LRRTM4: variants seen among roughly 807,000 people sequenced by gnomAD.
LRRTM4 encodes the protein leucine-rich repeat transmembrane neuronal protein 4.
In LRRTM4, 25 loss-of-function variants were observed where a neutral mutation model predicts 47.6. The observed-to-expected ratio is 0.53, with a 90% CI of 0.38 to 0.73. The LOEUF (loss-of-function observed/expected upper bound fraction) is 0.73. Ranked by LOEUF, LRRTM4 falls within the 30% of genes least tolerant of loss-of-function variation. The pLI, the probability that LRRTM4 is intolerant of heterozygous loss-of-function variation, is 0.00. For missense variants in LRRTM4, 638 were observed against 713.4 expected, an observed-to-expected ratio of 0.89 and a Z score of 1.20; for synonymous variants, 311 against 269.5, an observed-to-expected ratio of 1.15 and a Z score of -1.51.
chr2:76,832,868 A>G (rs1671393436), intron 3 of LRRTM4, among the ~76,000 whole-genome samples: 1 of 152,112 alleles, frequency 6.6e-6, no homozygotes. Context: ...GGAAAAGTCA[A>G]TGAATGGAAC....
chr2:77,371,039 T>C (rs1472444106), intron 3 of LRRTM4, among the ~76,000 whole-genome samples: 1 of 151,746 alleles, frequency 6.6e-6, no homozygotes, highest in Non-Finnish European at 1.5e-5. Context: ...AAAATGTATG[T>C]CGAACTCAAC....
chr2:76,983,042 ACTCT>A (rs1676668392), intron 3 of LRRTM4, among the ~76,000 whole-genome samples: 1 of 149,556 alleles, frequency 6.7e-6, no homozygotes, highest in Non-Finnish European at 1.5e-5. Flanking sequence ...CATATTAAAT[ACTCT>A]CACTATAAAT....
intron 3 of LRRTM4, among the ~76,000 whole-genome samples, chr2:76,980,107 A>C (rs1048861724): frequency 6.6e-6 from 1 of 152,208 alleles, no homozygotes; most frequent in South Asian, 2.1e-4. Context: ...ATAATACATA[A>C]ACTAAAATAT....
intron 3 of LRRTM4, among the ~76,000 whole-genome samples, chr2:76,817,275 A>G (rs1204885051): frequency 6.6e-6 from 1 of 151,654 alleles, no homozygotes; most frequent in African/African-American, 2.4e-5. Context: ...GCAGGAAGTG[A>G]TATGTCATGG....
intron 3 of LRRTM4, among the ~76,000 whole-genome samples, chr2:77,362,156 A>AG (rs1558707386): frequency 1.4e-4 from 21 of 151,686 alleles, no homozygotes; most frequent in African/African-American, 4.4e-4. Context: ...AAAGAAAGAA[A>AG]GAAAGAAAGA....
intron 3 of LRRTM4, among the ~76,000 whole-genome samples, chr2:77,108,825 C>A: frequency 6.6e-6 from 1 of 152,108 alleles, no homozygotes; most frequent in Non-Finnish European, 1.5e-5. Flanking sequence ...CCTCGTGATC[C>A]GCCCGCCTCG....
intron 3 of LRRTM4, among the ~76,000 whole-genome samples, chr2:77,378,746 C>G (rs1325762546): frequency 2.0e-5 from 3 of 152,084 alleles, no homozygotes; most frequent in African/African-American, 7.2e-5. Flanking sequence ...TATGTAAGAA[C>G]AGGCAGGGCA....
At chr2:77,302,487 A>G (rs1261983638) in intron 3 of LRRTM4, among the ~76,000 whole-genome samples, 3 of 152,232 alleles carry the variant, frequency 2.0e-5, no homozygotes, top group Non-Finnish European at 4.4e-5. Flanking sequence ...ATGGAATATA[A>G]TGAAAAATAT....
chr2:76,873,506 G>A (rs111579053), intron 3 of LRRTM4, among the ~76,000 whole-genome samples: 4,990 of 112,156 alleles, frequency 0.044, 228 homozygotes, highest in African/African-American at 0.098. Context: ...ATATATGTGT[G>A]TATATATATA....
Position 76,838,077 on chromosome 2 carries a change from AAAGTAT to A in LRRTM4, c.1552-89167_1552-89162del, listed in dbSNP as rs546770183. On this transcript the variant is annotated intron_variant, in intron 3 of 3. Transcript: ENST00000409884. The stretch of plus-strand genomic sequence containing the variant: ...ATTGTGCACATGTACCCTAAAACTT[AAAGTAT>A]AATAATAATAATAATAATAAAAGAA... Among the ~76,000 whole-genome samples, 497 of 146,418 alleles carry A rather than the reference AAAGTAT, an allele frequency of 3.4e-3. 2 individuals carry two copies. The highest frequency in any genetic ancestry group is 5.6e-3 in the South Asian group (25 of 4,502).
At chr2:76,969,111 T>C (rs991948738) in intron 3 of LRRTM4, among the ~76,000 whole-genome samples, 1 of 151,866 alleles carries the variant, frequency 6.6e-6, no homozygotes, top group Non-Finnish European at 1.5e-5. Context: ...CTCAGAAACA[T>C]GTTTAAAGCT....
chr2:77,345,371 T>C (rs1159462405), intron 3 of LRRTM4, among the ~76,000 whole-genome samples: 1 of 151,860 alleles, frequency 6.6e-6, no homozygotes, highest in Non-Finnish European at 1.5e-5. Context: ...CAAGCCAAAG[T>C]GTGGAAAAAA....
At chr2:77,051,723 T>C (rs961178338) in intron 3 of LRRTM4, among the ~76,000 whole-genome samples, 9 of 152,220 alleles carry the variant, frequency 5.9e-5, no homozygotes, top group African/African-American at 1.9e-4. Context: ...AGGGCTGTCA[T>C]CTGTTAGCAT....
intron 3 of LRRTM4, among the ~76,000 whole-genome samples, chr2:77,337,444 T>C (rs1240896501): frequency 1.3e-5 from 2 of 152,148 alleles, no homozygotes; most frequent in Non-Finnish European, 2.9e-5. Context: ...AAATCTCATC[T>C]AGAATTGTAA....
At chr2:76,771,898 T>C (rs958256260) in intron 3 of LRRTM4, among the ~76,000 whole-genome samples, 7 of 152,146 alleles carry the variant, frequency 4.6e-5, no homozygotes, top group African/African-American at 1.7e-4. Context: ...CAGGTGATTT[T>C]TGAGGAAAGC....
intron 3 of LRRTM4, among the ~76,000 whole-genome samples, chr2:77,258,801 T>C (rs746378419): frequency 3.9e-4 from 59 of 151,866 alleles, no homozygotes; most frequent in Non-Finnish European, 5.7e-4. Flanking sequence ...GAAATCTCAG[T>C]GAGACTTTTG....
chr2:77,020,055 C>G (rs758088457), intron 3 of LRRTM4, among the ~76,000 whole-genome samples: 1 of 151,904 alleles, frequency 6.6e-6, no homozygotes, highest in Non-Finnish European at 1.5e-5. Context: ...ACTTAATGAA[C>G]TTATGAATCT....
In LRRTM4 at chr2:77,519,209, G is replaced by C; in HGVS notation, c.660C>G (p.Ile220Met). Residue 220 changes from isoleucine to methionine, a missense_variant, in exon 3 of 4, where the codon ATC (isoleucine) becomes ATG (methionine). Ile to Met is a conservative substitution (Grantham distance 10). Coordinates refer to ENST00000409884, the MANE Select transcript of LRRTM4 (RefSeq NM_001134745.3). This position sits in a 1 kb window ranked among gnomAD's most constrained non-coding sequence, Gnocchi z 4.6. ...LHLEHNQFSK[I>M]NFAHFPRLFN... is the part of the protein sequence containing the mutation. Reference sequence around the variant, plus strand: ...AGAGACGTGGAAAATGAGCAAAGTTGATCTTGGAAAACTGGTTGTGCTCCA... The same window carrying C: ...AGAGACGTGGAAAATGAGCAAAGTTCATCTTGGAAAACTGGTTGTGCTCCA... 1.2e-6 allele frequency: 2 copies of C among 1,613,286 alleles called. No individual in the cohort carries two copies. Among genetic ancestry groups the C allele is most frequent in the Non-Finnish European group, 1.7e-6 (2 of 1,179,576 alleles).
chr2:77,493,759 A>G (rs967985042), intron 3 of LRRTM4, among the ~76,000 whole-genome samples: 9 of 152,276 alleles, frequency 5.9e-5, no homozygotes, highest in African/African-American at 2.2e-4. Context: ...TAAGGATGAC[A>G]TCAATGAAAT....
Sources: gnomAD v4.1 joint callset for allele counts (sites outside exome capture counted in the v4.1 genomes callset) on GRCh38, gnomAD v4.1.1 for gene constraint, Gnocchi (gnomAD v3.1) non-coding constraint, MANE v1.5 for transcripts, NCBI Gene and HGNC (gene_info 2026-07-23, HGNC 2026-07-21) for gene names.